RALGAPB: variants seen among roughly 807,000 people sequenced by gnomAD.
RALGAPB encodes the protein Ral GTPase activating protein non-catalytic subunit beta, also known as ral GTPase-activating protein subunit beta.
In RALGAPB, 25 loss-of-function variants were observed where a neutral mutation model predicts 161.1. The observed-to-expected ratio is 0.16, with a 90% CI of 0.11 to 0.22. The LOEUF (loss-of-function observed/expected upper bound fraction) is 0.22. Ranked by LOEUF, RALGAPB falls within the 10% of genes least tolerant of loss-of-function variation. The pLI is 1.00. For synonymous variants in RALGAPB, 629 were observed against 626.1 expected (o/e 1.00, Z -0.07); for missense variants, 1,391 against 1,815.2 (o/e 0.77, Z 4.25).
At chr20:38,570,694 A>G in intron 27 of RALGAPB, 75 bp from the exon 28 acceptor site, 1 of 940,076 alleles carries the variant, frequency 1.1e-6, no homozygotes, top group Admixed American at 1.8e-5. Flanking sequence ...TAAAGCGATT[A>G]GAAAATTAGA....
chr20:38,474,027 A>G (rs535545650), intron 1 of RALGAPB, among the ~76,000 whole-genome samples: 3 of 152,236 alleles, frequency 2.0e-5, no homozygotes, highest in East Asian at 3.9e-4. Flanking sequence ...TGACCACTAC[A>G]CCTTGTGAAA....
chr20:38,504,530 A>C (rs1297445199), intron 5 of RALGAPB, among the ~76,000 whole-genome samples: 1 of 152,174 alleles, frequency 6.6e-6, no homozygotes, highest in Admixed American at 6.5e-5. Flanking sequence ...TTGGGAAGGA[A>C]TTTATGACTC....
intron 11 of RALGAPB, among the ~76,000 whole-genome samples, chr20:38,525,191 A>G (rs2086420917): frequency 6.6e-6 from 1 of 152,228 alleles, no homozygotes; most frequent in Non-Finnish European, 1.5e-5. Context: ...ACTCCAACAC[A>G]GAGGTCTTAC....
At chr20:38,496,114 CTAGATCCACCTTTAG>C (rs2085420555) in intron 3 of RALGAPB, among the ~76,000 whole-genome samples, 1 of 152,164 alleles carries the variant, frequency 6.6e-6, no homozygotes, top group Admixed American at 6.5e-5. Context: ...TCCACCTTTA[CTAGATCCACCTTTAG>C]CTGAATGTGG....
intron 2 of RALGAPB, among the ~76,000 whole-genome samples, chr20:38,490,041 G>A (rs1285519416): frequency 6.8e-6 from 1 of 146,148 alleles, no homozygotes; most frequent in Non-Finnish European, 1.5e-5. Flanking sequence ...ACGGAGTCTC[G>A]CTCTGTCGCC....
chr20:38,539,061 G>T (rs1249872918), intron 16 of RALGAPB, among the ~76,000 whole-genome samples: 1 of 152,188 alleles, frequency 6.6e-6, no homozygotes, highest in Non-Finnish European at 1.5e-5. Flanking sequence ...CAATAGAAAT[G>T]AATGAACAAT....
intron 22 of RALGAPB, 56 bp from the exon 23 acceptor site, chr20:38,558,233 TTTATAA>T (rs1399881161): frequency 1.4e-5 from 19 of 1,323,784 alleles, no homozygotes; most frequent in Non-Finnish European, 1.8e-5. Flanking sequence ...AAGTATTGTT[TTTATAA>T]TTATAACAAT....
chr20:38,532,322 G>A (rs2086679776), intron 14 of RALGAPB, among the ~76,000 whole-genome samples: 1 of 152,210 alleles, frequency 6.6e-6, no homozygotes, highest in Non-Finnish European at 1.5e-5. Context: ...CTCCCAAAGT[G>A]CCGGGATTAC....
At chr20:38,568,669 T>C (rs922588800) in intron 26 of RALGAPB, 5 of 152,174 alleles carry the variant, frequency 3.3e-5, no homozygotes, top group African/African-American at 9.7e-5. Flanking sequence ...ACTAGAACTA[T>C]TGAGGTGAGT....
chr20:38,484,443 A>G (rs921715848), intron 1 of RALGAPB, among the ~76,000 whole-genome samples: 3 of 152,238 alleles, frequency 2.0e-5, no homozygotes, highest in Middle Eastern at 3.2e-3. Flanking sequence ...GGATTTTGCT[A>G]TAATTCAGTT....
chr20:38,557,902 G>T (rs777601668), intron 22 of RALGAPB, among the ~76,000 whole-genome samples: 4 of 152,322 alleles, frequency 2.6e-5, no homozygotes, highest in Non-Finnish European at 4.4e-5. Context: ...TGCAGTTGCT[G>T]CATTGCATGG....
chr20:38,483,141 C>T (rs186939118), intron 1 of RALGAPB, among the ~76,000 whole-genome samples: 56 of 152,206 alleles, frequency 3.7e-4, no homozygotes, highest in East Asian at 9.7e-4. Flanking sequence ...TGCCCGCCTC[C>T]GCCTCCCATG....
At chr20:38,556,617 G>A (rs1458150632) in intron 22 of RALGAPB, among the ~76,000 whole-genome samples, 3 of 152,084 alleles carry the variant, frequency 2.0e-5, no homozygotes, top group African/African-American at 7.2e-5. Context: ...AACAAACTAT[G>A]TACAAGACCT....
At chr20:38,571,857 G>T (rs995030915) in intron 28 of RALGAPB, among the ~76,000 whole-genome samples, 1 of 152,008 alleles carries the variant, frequency 6.6e-6, no homozygotes, top group Admixed American at 6.6e-5. Flanking sequence ...CCACATTCTC[G>T]CCAACACTTG....
intron 4 of RALGAPB, 65 bp from the exon 5 acceptor site, chr20:38,499,382 A>G (rs921734739): frequency 2.2e-6 from 3 of 1,361,442 alleles, no homozygotes; most frequent in East Asian, 5.1e-5. Context: ...CTCCCAAATC[A>G]GTGTCTTAAA....
intron 15 of RALGAPB, among the ~76,000 whole-genome samples, chr20:38,534,642 A>G (rs1333810715): frequency 2.6e-5 from 4 of 152,214 alleles, no homozygotes; most frequent in African/African-American, 9.7e-5. Flanking sequence ...AGTAATTTCA[A>G]CAGATGCTTG....
intron 2 of RALGAPB, among the ~76,000 whole-genome samples, chr20:38,490,813 T>G (rs1242121287): frequency 6.7e-6 from 1 of 149,962 alleles, no homozygotes; most frequent in Non-Finnish European, 1.5e-5. Context: ...CCCGGCCAAT[T>G]TTTGTATTTT....
intron 23 of RALGAPB, among the ~76,000 whole-genome samples, chr20:38,559,534 A>G (rs148497130): frequency 0.019 from 2,892 of 152,314 alleles, 34 homozygotes; most frequent in Non-Finnish European, 0.031. Context: ...GTCTCTACTG[A>G]AAATACAAAA....
chr20:38,482,418 ATGTT>A (rs2084994685), intron 1 of RALGAPB, among the ~76,000 whole-genome samples: 2 of 128,804 alleles, frequency 1.6e-5, no homozygotes, highest in African/African-American at 5.4e-5. Flanking sequence ...TCACAGCTGT[ATGTT>A]TATCTTTTTT....
Sources: allele counts gnomAD v4.1 joint callset (sites outside exome capture counted in the v4.1 genomes callset), GRCh38; gene constraint gnomAD v4.1.1; transcripts MANE v1.5; gene names NCBI Gene and HGNC (gene_info 2026-07-23, HGNC 2026-07-21).